Variants in LIN52 observed in about 807,000 individuals in gnomAD.
LIN52 encodes lin-52 DREAM MuvB core complex component.
Under a neutral mutation model 18.5 loss-of-function variants are expected in LIN52, and 4 were observed. That is an observed-to-expected ratio of 0.22 (90% CI 0.11 to 0.49). LIN52 has a LOEUF of 0.49. LIN52 is among the 20% of genes least tolerant of loss of function. LIN52 has a pLI of 0.97. For synonymous variants in LIN52, 34 were observed against 45.5 expected (o/e 0.75, Z 1.02); for missense variants, 102 against 139.5 (o/e 0.73, Z 1.35).
intron 5 of LIN52, among the ~76,000 whole-genome samples, chr14:74,172,185 A>G (rs190322685): frequency 8.5e-5 from 13 of 152,230 alleles, no homozygotes; most frequent in Admixed American, 3.3e-4. Context: ...CTGTTACAGC[A>G]CTGTCATATT....
chr14:74,093,321 CTT>C (rs1295151671), intron 2 of LIN52, among the ~76,000 whole-genome samples: 14 of 120,534 alleles, frequency 1.2e-4, no homozygotes, highest in African/African-American at 2.8e-4. Flanking sequence ...TTCAATCACT[CTT>C]TTTTTTTTTT....
At chr14:74,101,018 GA>G (rs1299639687) in intron 4 of LIN52, 136 bp from the exon 5 acceptor site, 1 of 692,102 alleles carries the variant, frequency 1.4e-6, no homozygotes, top group Non-Finnish European at 2.5e-6. Flanking sequence ...ATTGGGGGAG[GA>G]GTTACGGATC....
chr14:74,145,141 A>C (rs545330658), intron 5 of LIN52, among the ~76,000 whole-genome samples: 1 of 152,210 alleles, frequency 6.6e-6, no homozygotes, highest in Non-Finnish European at 1.5e-5. Context: ...TTAAAGCTCT[A>C]TCCATTGATC....
At chr14:74,171,708 T>C (rs1484728651) in intron 5 of LIN52, among the ~76,000 whole-genome samples, 1 of 26,120 alleles carries the variant, frequency 3.8e-5, no homozygotes, top group East Asian at 2.9e-4. Flanking sequence ...TATTATTTTA[T>C]GTCTGTCTTC....
intron 5 of LIN52, among the ~76,000 whole-genome samples, chr14:74,194,689 C>G (rs2078899209): frequency 6.6e-6 from 1 of 152,160 alleles, no homozygotes; most frequent in South Asian, 2.1e-4. Context: ...CATAATAGGG[C>G]CTGTAAATCA....
At chr14:74,108,751 A>G (rs138923896) in intron 5 of LIN52, among the ~76,000 whole-genome samples, 10 of 152,190 alleles carry the variant, frequency 6.6e-5, no homozygotes, top group Admixed American at 2.6e-4. Flanking sequence ...TTTATTATTG[A>G]ATTGTAAGAC....
intron 1 of LIN52, among the ~76,000 whole-genome samples, chr14:74,090,170 C>T (rs780798214): frequency 1.3e-5 from 2 of 151,630 alleles, no homozygotes; most frequent in Non-Finnish European, 2.9e-5. Context: ...AGGTGTGTTC[C>T]CCCATGCCTG....
At chr14:74,102,361 A>G (rs1009669813) in intron 5 of LIN52, among the ~76,000 whole-genome samples, 41 of 152,204 alleles carry the variant, frequency 2.7e-4, no homozygotes, top group African/African-American at 9.4e-4. Flanking sequence ...TTCTTTTACC[A>G]AGAAAACATT....
rs1429691954 is a variant in LIN52 at position 74,114,311 on chromosome 14, C to T, written c.283+13073C>T. The T allele has an allele frequency of 5.1e-6, 5 of 985,116 alleles. No homozygotes were observed. The African/African-American group carries it at 5.3e-5, about 10-fold the overall frequency. 61.0% of individuals were successfully genotyped at this position (985,116 alleles called of 1,614,324 possible). On this transcript the variant is annotated intron_variant, in intron 5 of 5. Transcript: ENST00000555028. ...TGAAGATTTTTGAATAGGAAAGATA[C>T]ACACCTTTAGGAGGCATTGGTGCAC...
At chr14:74,104,581 T>C (rs1348376077) in intron 5 of LIN52, among the ~76,000 whole-genome samples, 8 of 147,870 alleles carry the variant, frequency 5.4e-5, no homozygotes, top group Middle Eastern at 3.6e-3. Flanking sequence ...CTTGCACAGA[T>C]ACAGGCTTGA....
chr14:74,171,988 C>T lies in LIN52; in HGVS notation c.284-26934C>T, dbSNP rs561177888. On this transcript the variant is annotated intron_variant, in intron 5 of 5. Coordinates refer to ENST00000555028, the MANE Select transcript of LIN52 (RefSeq NM_001024674.3). Reference sequence around the variant, plus strand: ...CTGACCTCAGATGATCTGCCCACCTCGGCCTCCCAAAGTGCTGGGATTACA... The same window carrying T: ...CTGACCTCAGATGATCTGCCCACCTTGGCCTCCCAAAGTGCTGGGATTACA... Among the ~76,000 whole-genome samples the T allele has an allele frequency of 3.9e-5, 6 of 152,252 alleles. No homozygotes were observed. In the South Asian group the frequency reaches 6.2e-4, roughly 16 times the overall value.
chr14:74,184,708 GA>G (rs1393872770), intron 5 of LIN52, among the ~76,000 whole-genome samples: 1 of 152,134 alleles, frequency 6.6e-6, no homozygotes, highest in Non-Finnish European at 1.5e-5. Context: ...AAGAATGGCA[GA>G]AAAAATGTTA....
intron 5 of LIN52, among the ~76,000 whole-genome samples, chr14:74,112,293 C>T (rs950012795): frequency 2.0e-5 from 3 of 150,410 alleles, no homozygotes; most frequent in Non-Finnish European, 3.0e-5. Context: ...TACATATTTC[C>T]TTGTTTGTTT....
intron 5 of LIN52, among the ~76,000 whole-genome samples, chr14:74,181,780 A>G (rs2061319824): frequency 6.6e-6 from 1 of 152,178 alleles, no homozygotes; most frequent in East Asian, 1.9e-4. Context: ...TTCTGAAAAA[A>G]CAGAAAGTTT....
chr14:74,185,098 T>A (rs968957120), intron 5 of LIN52, among the ~76,000 whole-genome samples: 47 of 152,034 alleles, frequency 3.1e-4, no homozygotes, highest in African/African-American at 1.1e-3. Context: ...GGAACCCTGG[T>A]TTCTTTTAGT....
At chr14:74,130,942 A>G (rs528730383) in intron 5 of LIN52, among the ~76,000 whole-genome samples, 1 of 142,640 alleles carries the variant, frequency 7.0e-6, no homozygotes, top group East Asian at 1.9e-4. Context: ...TAATTTATGA[A>G]TTAAAATTTT....
intron 5 of LIN52, among the ~76,000 whole-genome samples, chr14:74,155,504 C>G (rs1009944236): frequency 3.3e-5 from 5 of 152,152 alleles, no homozygotes; most frequent in Admixed American, 2.6e-4. Context: ...ACATGAGCGC[C>G]GGATGGATGA....
intron 5 of LIN52, among the ~76,000 whole-genome samples, chr14:74,185,745 GTTTC>G (rs1038059332): frequency 2.0e-5 from 3 of 151,880 alleles, no homozygotes; most frequent in Admixed American, 2.0e-4. Flanking sequence ...GCAGCTTAAG[GTTTC>G]TTTCTATTTC....
At chr14:74,140,498 G>C (rs946211875) in intron 5 of LIN52, among the ~76,000 whole-genome samples, 1 of 152,228 alleles carries the variant, frequency 6.6e-6, no homozygotes, top group South Asian at 2.1e-4. Flanking sequence ...GTAACCTGCT[G>C]TAAGCAGGAT....
Sources: allele counts gnomAD v4.1 joint callset (sites outside exome capture counted in the v4.1 genomes callset), GRCh38; gene constraint gnomAD v4.1.1; transcripts MANE v1.5; gene names NCBI Gene and HGNC (gene_info 2026-07-23, HGNC 2026-07-21).